Variants in CAND1 observed in about 807,000 individuals in gnomAD.
CAND1 encodes cullin associated and neddylation dissociated 1.
Under a neutral mutation model 108.5 loss-of-function variants are expected in CAND1, and 7 were observed. That is an observed-to-expected ratio of 0.06 (90% CI 0.04 to 0.12). The LOEUF is 0.12. Ranked by LOEUF, CAND1 falls within the 10% of genes least tolerant of loss-of-function variation. The pLI, the probability that CAND1 is intolerant of heterozygous loss-of-function variation, is 1.00. For synonymous variants in CAND1, 534 were observed against 512.0 expected (o/e 1.04, Z -0.58); for missense variants, 941 against 1,448.7 (o/e 0.65, Z 5.69).
intron 4 of CAND1, 63 bp downstream of exon 4, chr12:67,295,219 C>G: frequency 2.1e-6 from 3 of 1,402,260 alleles, no homozygotes; most frequent in Non-Finnish European, 2.9e-6. Context: ...TTACTAAAAA[C>G]CCTTTCTAGT....
chr12:67,308,439 A>G (rs552205980), intron 11 of CAND1, among the ~76,000 whole-genome samples: 1 of 152,234 alleles, frequency 6.6e-6, no homozygotes, highest in East Asian at 1.9e-4. Context: ...GGACATTGGT[A>G]TTATGCAAAA....
chr12:67,286,652 ATTTAC>A (rs569852274), intron 2 of CAND1, among the ~76,000 whole-genome samples: 26 of 150,210 alleles, frequency 1.7e-4, no homozygotes, highest in South Asian at 1.7e-3. Context: ...TTGGTTTTGA[ATTTAC>A]TTTAGTTTGA....
chr12:67,299,395 AAAAT>A (rs1357939160), intron 7 of CAND1, among the ~76,000 whole-genome samples: 2 of 152,136 alleles, frequency 1.3e-5, no homozygotes, highest in Non-Finnish European at 2.9e-5. Context: ...TATACAGAAA[AAAAT>A]CTGTATATTT....
In CAND1 at chr12:67,317,234, CA is replaced by C. The variant is rs2045015552; in HGVS notation, c.*4406del. The C allele has an allele frequency of 6.6e-6, 1 of 152,306 alleles. No homozygotes were observed. Among genetic ancestry groups the C allele is most frequent in the Admixed American group, 6.5e-5 (1 of 15,270 alleles). The allele number at this position is 152,306 out of a possible 1,614,324, so 9.4% of individuals were successfully genotyped here. A position where few individuals can be genotyped will look rare whatever the true frequency, so the allele number is the denominator to read the frequency against. On this transcript the variant is annotated 3_prime_UTR_variant, in exon 15 of 15. Coordinates refer to ENST00000545606, the MANE Select transcript of CAND1 (RefSeq NM_018448.5). ...TTACTGCACCTCAGCTTCCTGGGCA[CA>C]AGTGATTCTCCCACCTCAGCCTCCC...
At chr12:67,282,971 A>G (rs2044634211) in intron 2 of CAND1, among the ~76,000 whole-genome samples, 1 of 152,154 alleles carries the variant, frequency 6.6e-6, no homozygotes, top group Admixed American at 6.5e-5. Flanking sequence ...CCATTAACAT[A>G]CTGATTTAGT....
chr12:67,305,970 A>G lies in CAND1; in HGVS notation c.2302A>G (p.Asn768Asp), dbSNP rs1402516763. Residue 768 changes from asparagine (N) to aspartate (D), a missense_variant, in exon 10 of 15, where the codon AAT becomes GAT. Physicochemically the swap from Asn to Asp is conservative, Grantham distance 23. Coordinates refer to ENST00000545606, the MANE Select transcript of CAND1 (RefSeq NM_018448.5). This position sits in a 1 kb window ranked among gnomAD's most constrained non-coding sequence, Gnocchi z 4.4. ...FFQALVVTGT[N>D]NLGYMDLLRM... is the part of the protein sequence containing the mutation. ...CCAAGCTCTGGTTGTCACTGGAACA[A>G]ATAATTTAGGATACATGGATTTGTT... 4 of 1,614,166 alleles carry G rather than the reference A, an allele frequency of 2.5e-6. No individual in the cohort carries two copies. The South Asian group carries it at 4.4e-5, about 18-fold the overall frequency.
intron 1 of CAND1, among the ~76,000 whole-genome samples, chr12:67,281,424 A>G (rs1380976463): frequency 6.6e-6 from 1 of 152,218 alleles, no homozygotes; most frequent in Non-Finnish European, 1.5e-5. Context: ...CCTGCAATGC[A>G]ACGTACTTGT....
intron 11 of CAND1, among the ~76,000 whole-genome samples, chr12:67,308,591 T>C (rs1375134567): frequency 6.6e-6 from 1 of 152,060 alleles, no homozygotes; most frequent in Non-Finnish European, 1.5e-5. Flanking sequence ...TAAGTATTCA[T>C]GACTATTTGA....
chr12:67,306,270 C>A lies in CAND1; in HGVS notation c.2602C>A (p.Pro868Thr), dbSNP rs771806903. 5.0e-6 allele frequency: 8 copies of A among 1,613,844 alleles called. No individual in the cohort carries two copies. The East Asian group carries it at 1.8e-4, about 36-fold the overall frequency. The change falls in exon 10 of 15, where the codon CCT (proline) becomes ACT (threonine). Residue 868 changes from proline to threonine, a missense_variant. By Grantham distance (38) the Pro-to-Thr change is conservative. Transcript: ENST00000545606. ...KSVILEAFSS[P>T]SEEVKSAASY... ...TGTAATACTAGAAGCTTTCTCATCT[C>A]CTAGTGAAGAAGTCAAATCAGCTGC...
intron 11 of CAND1, 97 bp downstream of exon 11, chr12:67,307,589 G>T (rs2044901451): frequency 2.7e-6 from 2 of 747,548 alleles, no homozygotes; most frequent in Non-Finnish European, 4.5e-6. Flanking sequence ...GAATTAAAAT[G>T]CTTATAAAAT....
Position 67,269,509 on chromosome 12 carries a change from C to T in CAND1, c.-209C>T, listed in dbSNP as rs1029171217. On this transcript the variant is annotated 5_prime_UTR_variant, in exon 1 of 15. Coordinates refer to ENST00000545606, the MANE Select transcript of CAND1 (RefSeq NM_018448.5). ...GCCGTCGTTAGGCTGGCTCTGTAGC[C>T]TCGGCTTACCCCGGGACAGGCCCAC... is the stretch of plus-strand genomic sequence containing the variant. 2.4e-5 allele frequency: 13 copies of T among 545,806 alleles called. No homozygotes were observed. The highest frequency in any genetic ancestry group is 3.5e-5 in the Non-Finnish European group (11 of 314,346). The allele number at this position is 545,806 out of a possible 1,614,324, so 33.8% of individuals were successfully genotyped here.
At chr12:67,309,842 A>G in intron 11 of CAND1, 59 bp from the exon 12 acceptor site, 13 of 1,146,460 alleles carry the variant, frequency 1.1e-5, no homozygotes, top group South Asian at 1.7e-5. Flanking sequence ...AGAAAATATA[A>G]TGTATATTGT....
At position 67,311,756 on chromosome 12, in the gene CAND1, T is replaced by C; in HGVS notation, c.3424T>C (p.Leu1142=). The change falls in exon 14 of 15, where the codon TTG becomes CTG. Residue 1142 remains leucine (L), a synonymous_variant. Transcript: ENST00000545606. ...TLCPSAVLQR[L]DRLVEPLRAT... Reference sequence around the variant, plus strand: ...TTGTCCAAGTGCAGTACTGCAGAGGTTGGACCGACTTGTTGAGCCATTACG... The same window carrying C: ...TTGTCCAAGTGCAGTACTGCAGAGGCTGGACCGACTTGTTGAGCCATTACG... 6.2e-7 allele frequency: 1 copy of C among 1,612,266 alleles called. No individual in the cohort carries two copies. Among genetic ancestry groups the C allele is most frequent in the Non-Finnish European group, 8.5e-7 (1 of 1,178,458 alleles).
At chr12:67,269,859 G>GC in intron 1 of CAND1, 74 bp downstream of exon 1, 1 of 1,313,276 alleles carries the variant, frequency 7.6e-7, no homozygotes, top group Non-Finnish European at 1.1e-6. Context: ...CGCAGGCCTT[G>GC]CCCCACCCCT....
At chr12:67,293,365 A>G (rs1406683171) in intron 3 of CAND1, among the ~76,000 whole-genome samples, 3 of 152,256 alleles carry the variant, frequency 2.0e-5, no homozygotes, top group African/African-American at 7.2e-5. Context: ...CTTGACTACT[A>G]AACTATTGCT....
intron 2 of CAND1, among the ~76,000 whole-genome samples, chr12:67,291,899 C>T (rs907199669): frequency 6.6e-6 from 1 of 152,132 alleles, no homozygotes; most frequent in African/African-American, 2.4e-5. Flanking sequence ...ACAGAGTCTC[C>T]TCTGGCCCAG....
rs374269744 is a variant in CAND1 at position 67,312,056 on chromosome 12, A to C, written c.3468+256A>C. ...TACATATTTGAAGTACTGATATGGG[A>C]TAAAATGTGATCAGGCCACAAAAGA... is the stretch of plus-strand genomic sequence containing the variant. On this transcript the variant is annotated intron_variant, in intron 14 of 14. Coordinates refer to ENST00000545606, the MANE Select transcript of CAND1 (RefSeq NM_018448.5). Among the ~76,000 whole-genome samples, 24 of 152,188 alleles carry C rather than the reference A, an allele frequency of 1.6e-4. No individual in the cohort carries two copies. In the East Asian group the frequency reaches 2.3e-3, roughly 15 times the overall value.
In CAND1 at chr12:67,286,285, C is replaced by T. The variant is rs149502712; in HGVS notation, c.212+4232C>T. 1.7e-3 allele frequency among the ~76,000 whole-genome samples: 255 copies of T among 152,342 alleles called. 1 individual carries two copies. The highest frequency in any genetic ancestry group is 0.01 in the Middle Eastern group (3 of 294). On this transcript the variant is annotated intron_variant, in intron 2 of 14. Transcript: ENST00000545606. ...TCGGCTTCCCAAAGTGCTGGGATTA[C>T]AGGCTTGAGCCACCGCGCCCTGCCG... is the stretch of plus-strand genomic sequence containing the variant.
Position 67,315,069 on chromosome 12 carries a change from TGAG to T in CAND1, c.*2243_*2245del, listed in dbSNP as rs1186361084. Reference sequence around the variant, plus strand: ...TAGGAATTTGTCACATGTAGGTTCCTGAGGAGATCTAAAAGTTAATACAAAACC... The same window carrying T: ...TAGGAATTTGTCACATGTAGGTTCCTGAGATCTAAAAGTTAATACAAAACC... On this transcript the variant is annotated 3_prime_UTR_variant, in exon 15 of 15. Coordinates refer to ENST00000545606, the MANE Select transcript of CAND1 (RefSeq NM_018448.5). 3.3e-5 allele frequency: 5 copies of T among 152,254 alleles called. No homozygotes were observed. Among genetic ancestry groups the T allele is most frequent in the Non-Finnish European group, 7.3e-5 (5 of 68,054 alleles). The allele number at this position is 152,254 out of a possible 1,614,324, so 9.4% of individuals were successfully genotyped here. A position where few individuals can be genotyped will look rare whatever the true frequency, so the allele number is the denominator to read the frequency against.
Sources: allele counts gnomAD v4.1 joint callset (sites outside exome capture counted in the v4.1 genomes callset), GRCh38; gene constraint gnomAD v4.1.1; non-coding constraint Gnocchi (gnomAD v3.1); transcripts MANE v1.5; gene names NCBI Gene and HGNC (gene_info 2026-07-23, HGNC 2026-07-21).